Variants in SLC41A2 observed in about 807,000 individuals in gnomAD.
SLC41A2 encodes the protein solute carrier family 41 member 2, also known as SLC41A1-like 1.
In SLC41A2, 32 loss-of-function variants were observed where a neutral mutation model predicts 58.3. That is an observed-to-expected ratio of 0.55 (90% CI 0.41 to 0.74). The LOEUF (loss-of-function observed/expected upper bound fraction) is 0.74. Among genes scored for constraint, SLC41A2 ranks in the 30% least tolerant of loss-of-function variants. The pLI is 0.00. For synonymous variants in SLC41A2, 190 were observed against 235.0 expected (o/e 0.81, Z 1.75); for missense variants, 514 against 680.6 (o/e 0.76, Z 2.72).
intron 8 of SLC41A2, among the ~76,000 whole-genome samples, chr12:104,853,911 A>ATTTTTT (rs1555202443): frequency 1.3e-4 from 8 of 59,474 alleles, no homozygotes; most frequent in African/African-American, 4.8e-4. Context: ...TGCCTGGCTG[A>ATTTTTT]TTTTTTTTTT....
chr12:104,873,932 T>C (rs1177397929), intron 6 of SLC41A2, among the ~76,000 whole-genome samples: 1 of 152,154 alleles, frequency 6.6e-6, no homozygotes, highest in Non-Finnish European at 1.5e-5. Flanking sequence ...TGACTCCTTA[T>C]CAAACATATG....
chr12:104,920,909 G>A (rs562175557), intron 2 of SLC41A2, among the ~76,000 whole-genome samples: 153 of 151,738 alleles, frequency 1.0e-3, no homozygotes, highest in Non-Finnish European at 1.8e-3. Context: ...GGGTGACAGA[G>A]CAAGACTCTG....
intron 10 of SLC41A2, among the ~76,000 whole-genome samples, chr12:104,834,664 G>C (rs2042148373): frequency 6.6e-6 from 1 of 151,212 alleles, no homozygotes; most frequent in Non-Finnish European, 1.5e-5. Context: ...AACAGGGTTT[G>C]AGTTAGCATC....
At chr12:104,906,293 G>T (rs770959340) in intron 3 of SLC41A2, among the ~76,000 whole-genome samples, 78 of 152,166 alleles carry the variant, frequency 5.1e-4, no homozygotes, top group Non-Finnish European at 6.0e-4. Context: ...GGTATCTCAA[G>T]TTAGTGTTCC....
chr12:104,827,731 C>T (rs1264057713), intron 10 of SLC41A2, among the ~76,000 whole-genome samples: 2 of 152,188 alleles, frequency 1.3e-5, no homozygotes, highest in East Asian at 3.9e-4. Context: ...GCTAGGAACA[C>T]TTAGATAGAC....
chr12:104,837,358 T>G (rs1284473039), intron 10 of SLC41A2, among the ~76,000 whole-genome samples: 1 of 152,166 alleles, frequency 6.6e-6, no homozygotes, highest in Non-Finnish European at 1.5e-5. Context: ...GGTCAAAGGC[T>G]GAGGGATTCA....
intron 8 of SLC41A2, among the ~76,000 whole-genome samples, chr12:104,853,911 A>ATTTTTTTTTTTTTTTTTTT (rs1555202443): frequency 5.0e-5 from 3 of 59,498 alleles, no homozygotes; most frequent in African/African-American, 2.1e-4. Context: ...TGCCTGGCTG[A>ATTTTTTTTTTTTTTTTTTT]TTTTTTTTTT....
At chr12:104,838,588 A>G (rs922116503) in intron 10 of SLC41A2, among the ~76,000 whole-genome samples, 2 of 152,202 alleles carry the variant, frequency 1.3e-5, no homozygotes, top group Non-Finnish European at 2.9e-5. Context: ...TGCTAAAAGC[A>G]GTTTCATATT....
intron 10 of SLC41A2, among the ~76,000 whole-genome samples, chr12:104,836,219 A>G (rs2042202498): frequency 6.6e-6 from 1 of 152,194 alleles, no homozygotes; most frequent in Non-Finnish European, 1.5e-5. Context: ...GTGGACTTGG[A>G]CAAATCACTT....
chr12:104,864,992 G>C (rs1008309330), intron 7 of SLC41A2, among the ~76,000 whole-genome samples: 1 of 151,986 alleles, frequency 6.6e-6, no homozygotes, highest in African/African-American at 2.4e-5. Context: ...CTGTTTAAGG[G>C]GCACTGCAAG....
chr12:104,898,186 T>C (rs2045387626), intron 3 of SLC41A2, among the ~76,000 whole-genome samples: 1 of 152,322 alleles, frequency 6.6e-6, no homozygotes, highest in South Asian at 2.1e-4. Context: ...AGAGCTGAGG[T>C]GGCCAGAGCC....
chr12:104,940,853 A>T (rs2047482804), intron 1 of SLC41A2, among the ~76,000 whole-genome samples: 1 of 144,288 alleles, frequency 6.9e-6, no homozygotes, highest in African/African-American at 2.6e-5. Context: ...CGGGAGGCAG[A>T]GGTTGCAGTG....
At chr12:104,855,853 A>C (rs542824894) in intron 8 of SLC41A2, among the ~76,000 whole-genome samples, 1 of 152,340 alleles carries the variant, frequency 6.6e-6, no homozygotes, top group East Asian at 1.9e-4. Flanking sequence ...CTGACACAGG[A>C]AACACCAAAG....
intron 1 of SLC41A2, among the ~76,000 whole-genome samples, 190 bp downstream of exon 1, chr12:104,957,898 G>C (rs1194314237): frequency 6.6e-6 from 1 of 152,008 alleles, no homozygotes; most frequent in African/African-American, 2.4e-5. Flanking sequence ...GCCTGGGCTC[G>C]GGCGCTGCCC....
intron 2 of SLC41A2, among the ~76,000 whole-genome samples, chr12:104,924,483 G>A (rs777535163): frequency 6.6e-6 from 1 of 152,196 alleles, no homozygotes; most frequent in Non-Finnish European, 1.5e-5. Flanking sequence ...GGTGGCTCAC[G>A]CCTGTAATCC....
chr12:104,956,614 G>A (rs1387180326), intron 1 of SLC41A2, among the ~76,000 whole-genome samples: 1 of 152,144 alleles, frequency 6.6e-6, no homozygotes, highest in African/African-American at 2.4e-5. Flanking sequence ...CGGAGGTGGA[G>A]GTTGCAGTGA....
intron 1 of SLC41A2, among the ~76,000 whole-genome samples, chr12:104,956,106 C>G (rs1175955307): frequency 6.6e-6 from 1 of 151,912 alleles, no homozygotes; most frequent in East Asian, 1.9e-4. Flanking sequence ...ATGAAAATAC[C>G]AATTAAGGGT....
At position 104,928,473 on chromosome 12, in the gene SLC41A2, T is replaced by G. The variant is rs961750308; in HGVS notation, c.55A>C (p.Ser19Arg). The G allele has an allele frequency of 3.2e-6, 5 of 1,542,378 alleles. No homozygotes were observed. In the African/African-American group the frequency reaches 4.1e-5, roughly 13 times the overall value. Residue 19 changes from serine (S) to arginine (R), a missense_variant, in exon 2 of 11, where the codon AGT (serine) becomes CGT (arginine). Coordinates refer to ENST00000258538, the MANE Select transcript of SLC41A2 (RefSeq NM_001352171.3). ...ITDKTSGGPS[S>R]GGGFVDWTLR... ...GTCCAATCTACAAAACCTCCTCCAC[T>G]ACTTGGACCACCACTTGTTTTATCG...
intron 1 of SLC41A2, among the ~76,000 whole-genome samples, chr12:104,949,614 G>A (rs993156292): frequency 2.6e-5 from 4 of 152,254 alleles, no homozygotes; most frequent in Non-Finnish European, 5.9e-5. Context: ...ACGGAGTTTC[G>A]CTCTTGTTGC....
Sources: gnomAD v4.1 joint callset for allele counts (sites outside exome capture counted in the v4.1 genomes callset) on GRCh38, gnomAD v4.1.1 for gene constraint, MANE v1.5 for transcripts, NCBI Gene and HGNC (gene_info 2026-07-23, HGNC 2026-07-21) for gene names.